Variants in SERPINB6 observed in about 807,000 individuals in gnomAD.
SERPINB6 encodes serpin B6.
A neutral mutation model predicts 26.1 loss-of-function variants in SERPINB6; 16 were observed. That is an observed-to-expected ratio of 0.61 (90% CI 0.42 to 0.93). The LOEUF (loss-of-function observed/expected upper bound fraction) is 0.93. Ranked by LOEUF, SERPINB6 falls within the 40% of genes least tolerant of loss-of-function variation. SERPINB6 has a pLI of 0.00. For missense variants in SERPINB6, 420 were observed against 478.0 expected, an observed-to-expected ratio of 0.88 and a Z score of 1.13; for synonymous variants, 174 against 176.6, an observed-to-expected ratio of 0.99 and a Z score of 0.11.
intron 1 of SERPINB6, chr6:2,960,334 C>CGCAGGGCGGATGCGCTTTCTGAGCT (rs1422244924): frequency 6.6e-6 from 1 of 152,306 alleles, no homozygotes; most frequent in Non-Finnish European, 1.5e-5. Context: ...GGGCTTGAAA[C>CGCAGGGCGGATGCGCTTTCTGAGCT]GCAGGGCGGA....
chr6:2,964,481 G>A lies in SERPINB6; in HGVS notation c.-10-5139C>T, dbSNP rs563354457. Among the ~76,000 whole-genome samples, 4 of 152,156 alleles carry A rather than the reference G, an allele frequency of 2.6e-5. No individual in the cohort carries two copies. In the East Asian group the frequency reaches 5.8e-4, roughly 22 times the overall value. On this transcript the variant is annotated intron_variant, in intron 1 of 6. Coordinates refer to ENST00000380539, the MANE Select transcript of SERPINB6 (RefSeq NM_004568.6). ...AAATTAGGAAAAAAGGTAAGTGTAG[G>A]CACAATTTACAGACAGAATAGAGGG...
At chr6:2,971,684 G>C (rs1305496802), upstream of SERPINB6, 1 of 152,090 alleles carries the variant, frequency 6.6e-6, no homozygotes, top group Admixed American at 6.5e-5. Context: ...CGGGACGTGC[G>C]GGTCAACCCC....
rs1241199704 is a variant in SERPINB6, at chr6:2,948,475, C to T, written c.954G>A (p.Lys318=). The change falls in exon 7 of 7, where the codon AAG becomes AAA. Residue 318 remains lysine (K), a synonymous_variant. Transcript: ENST00000380539. The surrounding 1 kb of genome is among the most constrained non-coding windows in gnomAD (Gnocchi z 5.0). ...TDLSLSKVVH[K]SFVEVNEEGT... is the part of the protein sequence containing the mutation. ...CTTCCTCATTGACCTCCACAAAAGA[C>T]TTGTGCACGACCTTGGACAGAGACA... 1.9e-6 allele frequency: 3 copies of T among 1,614,214 alleles called. No individual in the cohort carries two copies. The highest frequency in any genetic ancestry group is 2.5e-6 in the Non-Finnish European group (3 of 1,180,026).
chr6:2,951,152 C>G (rs1309741466), intron 5 of SERPINB6, among the ~76,000 whole-genome samples: 1 of 152,048 alleles, frequency 6.6e-6, no homozygotes, highest in Non-Finnish European at 1.5e-5. Flanking sequence ...GTGGGAGGCC[C>G]GGGCAGGTGG....
At chr6:2,953,233 T>TC (rs752348926) in intron 4 of SERPINB6, 47 bp from the exon 5 acceptor site, 1 of 1,613,118 alleles carries the variant, frequency 6.2e-7, no homozygotes, top group South Asian at 1.1e-5. Context: ...CGGCTGCGGA[T>TC]CCCCGACACA....
At chr6:2,968,856 T>A in intron 1 of SERPINB6, 6 of 1,231,136 alleles carry the variant, frequency 4.9e-6, no homozygotes, top group Non-Finnish European at 6.1e-6. Flanking sequence ...GATCAGCAGC[T>A]TTTTTGTCCG....
chr6:2,953,031 G>A lies in SERPINB6; in HGVS notation c.573+13C>T, dbSNP rs764829989. The A allele has an allele frequency of 6.8e-6, 11 of 1,613,954 alleles. No homozygotes were observed. The South Asian group carries it at 7.7e-5, about 11-fold the overall frequency. The stretch of plus-strand genomic sequence containing the variant: ...GAACACAGGCGCTGCTCCTGTCACG[G>A]CCCCTTACTCGCCTTGCTGACTTTA... On this transcript the variant is annotated intron_variant, in intron 5 of 6. Coordinates refer to ENST00000380539, the MANE Select transcript of SERPINB6 (RefSeq NM_004568.6).
intron 1 of SERPINB6, chr6:2,959,772 C>A: frequency 4.5e-6 from 1 of 222,440 alleles, no homozygotes; most frequent in Non-Finnish European, 9.1e-6. Context: ...GACAGTTACA[C>A]AAGAAAAGAT....
chr6:2,969,757 G>A (rs1771954726), intron 1 of SERPINB6: 1 of 956,520 alleles, frequency 1.0e-6, no homozygotes, highest in African/African-American at 2.1e-5. Context: ...CTGTTTCCTT[G>A]TGCAGTGTGT....
At chr6:2,965,592 T>C (rs1035818479) in intron 1 of SERPINB6, among the ~76,000 whole-genome samples, 11 of 152,340 alleles carry the variant, frequency 7.2e-5, no homozygotes, top group Admixed American at 3.3e-4. Context: ...ATCTGATAAA[T>C]CAAGACATAT....
Position 2,970,239 on chromosome 6 carries a change from G to C in SERPINB6, c.-11+1294C>G, listed in dbSNP as rs974520515. ...CTATTCATGCTAATTTCACTCTACT[G>C]TTACTGGTCCGTGTTAACTGTTTCA... On this transcript the variant is annotated intron_variant, in intron 1 of 6. Coordinates refer to ENST00000380539, the MANE Select transcript of SERPINB6 (RefSeq NM_004568.6). 4 of 985,100 alleles carry C rather than the reference G, an allele frequency of 4.1e-6. No homozygotes were observed. The Admixed American group carries it at 2.5e-4, about 61-fold the overall frequency. 61.0% of individuals were successfully genotyped at this position (985,100 alleles called of 1,614,324 possible).
chr6:2,968,367 G>T, intron 1 of SERPINB6: 1 of 463,296 alleles, frequency 2.2e-6, no homozygotes, highest in Non-Finnish European at 2.8e-6. Flanking sequence ...CTTAGTACCT[G>T]GGGGATGAAA....
At position 2,967,999 on chromosome 6, in the gene SERPINB6, C is replaced by T. The variant is rs1331128488; in HGVS notation, c.-11+3534G>A. 6.6e-6 allele frequency: 1 copy of T among 152,026 alleles called. No individual in the cohort carries two copies. The highest frequency in any genetic ancestry group is 6.6e-5 in the Admixed American group (1 of 15,262). The allele number at this position is 152,026 out of a possible 1,614,324, so 9.4% of individuals were successfully genotyped here. ...ATTCTCCCATAAAGATACACGCACG[C>T]GAATGTTCACCGCAGCACTATTCAC... On this transcript the variant is annotated intron_variant, in intron 1 of 6. Coordinates refer to ENST00000380539, the MANE Select transcript of SERPINB6 (RefSeq NM_004568.6). The surrounding 1 kb of genome is among the most constrained non-coding windows in gnomAD (Gnocchi z 4.3).
At chr6:2,965,008 A>T (rs1481162086) in intron 1 of SERPINB6, among the ~76,000 whole-genome samples, 1 of 151,996 alleles carries the variant, frequency 6.6e-6, no homozygotes, top group Non-Finnish European at 1.5e-5. Flanking sequence ...GACATTATCT[A>T]TTGCCTTCCT....
chr6:2,955,374 G>T (rs1770330062), intron 3 of SERPINB6, 150 bp downstream of exon 3: 4 of 882,810 alleles, frequency 4.5e-6, no homozygotes, highest in Non-Finnish European at 7.2e-6. Context: ...GAAATGCAGA[G>T]AATTTAAAAC....
chr6:2,969,027 C>T, intron 1 of SERPINB6: 1 of 1,197,990 alleles, frequency 8.3e-7, no homozygotes, highest in Admixed American at 4.4e-5. Flanking sequence ...TGAGTTTGAG[C>T]ATTTTCATTA....
At chr6:2,952,505 T>A (rs1769927616) in intron 5 of SERPINB6, among the ~76,000 whole-genome samples, 1 of 152,208 alleles carries the variant, frequency 6.6e-6, no homozygotes, top group Admixed American at 6.5e-5. Flanking sequence ...TATCTACATG[T>A]TTGGTTTGGT....
intron 1 of SERPINB6, chr6:2,966,993 A>C (rs1337336036): frequency 1.0e-6 from 1 of 985,322 alleles, no homozygotes; most frequent in African/African-American, 1.7e-5. Flanking sequence ...TTTCCTCCAG[A>C]CTGGCTCTTT....
chr6:2,959,825 G>T, intron 1 of SERPINB6: 1 of 211,216 alleles, frequency 4.7e-6, no homozygotes, highest in Non-Finnish European at 9.7e-6. Context: ...CCATTTCTGG[G>T]TAGCAAGAGC....
Sources: allele counts gnomAD v4.1 joint callset (sites outside exome capture counted in the v4.1 genomes callset), GRCh38; gene constraint gnomAD v4.1.1; non-coding constraint Gnocchi (gnomAD v3.1); transcripts MANE v1.5; gene names NCBI Gene and HGNC (gene_info 2026-07-23, HGNC 2026-07-21).